The following ARHGAP21 variants were observed in gnomAD, a reference collection of about 807,000 sequenced individuals.
ARHGAP21 encodes rho GTPase-activating protein 21.
ARHGAP21 carries 38 observed loss-of-function variants against 164.6 expected under a neutral mutation model. The observed-to-expected ratio is 0.23, with a 90% CI of 0.18 to 0.30. The LOEUF (loss-of-function observed/expected upper bound fraction) is 0.30, where lower values mean the gene tolerates loss of function less well. ARHGAP21 is among the 10% of genes least tolerant of loss of function. ARHGAP21 has a pLI of 1.00. For synonymous variants in ARHGAP21, 766 were observed against 857.9 expected, an observed-to-expected ratio of 0.89 and a Z score of 1.87; for missense variants, 1,822 against 2,370.7, an observed-to-expected ratio of 0.77 and a Z score of 4.81.
chr10:24,608,094 T>C (rs2077107472), intron 9 of ARHGAP21, among the ~76,000 whole-genome samples, 191 bp from the exon 10 acceptor site: 1 of 151,932 alleles, frequency 6.6e-6, no homozygotes, highest in Non-Finnish European at 1.5e-5. Flanking sequence ...TCTAAATAAT[T>C]CTGAGAATAT....
intron 5 of ARHGAP21, 38 bp from the exon 6 acceptor site, chr10:24,633,518 C>T: frequency 7.0e-7 from 1 of 1,429,240 alleles, no homozygotes; most frequent in Non-Finnish European, 9.8e-7. Context: ...AGAGATCCTG[C>T]AGAAAGTCAC....
intron 2 of ARHGAP21, among the ~76,000 whole-genome samples, chr10:24,711,079 GC>G (rs1211459788): frequency 1.9e-5 from 2 of 106,702 alleles, no homozygotes; most frequent in Non-Finnish European, 3.4e-5. Context: ...GGGCAATGGA[GC>G]AAGACTCCAT....
Position 24,619,555 on chromosome 10 carries a change from C to A in ARHGAP21, c.2340G>T (p.Glu780Asp). ...TTTCCTCCATTCTTTTTATGTGGAC[C>A]TCTCGACGTGCATCATTGGGCAGCC... ...TCWLPNDARR[E>D]VHIKRMEERK... Residue 780 changes from glutamate to aspartate, a missense_variant, in exon 9 of 26, where the codon GAG (glutamate) becomes GAT (aspartate). Physicochemically the swap from Glu to Asp is conservative, Grantham distance 45. This residue lies in a region of ARHGAP21 where 1,090 missense variants were observed against 1,378.9 expected (regional missense o/e 0.79). Coordinates refer to ENST00000396432, the MANE Select transcript of ARHGAP21 (RefSeq NM_020824.4). 1 of 1,614,092 alleles carries A rather than the reference C, an allele frequency of 6.2e-7. No individual in the cohort carries two copies. Among genetic ancestry groups the A allele is most frequent in the Non-Finnish European group, 8.5e-7 (1 of 1,180,028 alleles).
intron 7 of ARHGAP21, among the ~76,000 whole-genome samples, chr10:24,624,262 C>T (rs890662645): frequency 6.6e-6 from 1 of 151,470 alleles, no homozygotes; most frequent in Non-Finnish European, 1.5e-5. Context: ...CAAACTTACT[C>T]GCCAGGGAAC....
At chr10:24,668,228 C>A (rs1047708959) in intron 3 of ARHGAP21, among the ~76,000 whole-genome samples, 1 of 152,198 alleles carries the variant, frequency 6.6e-6, no homozygotes, top group South Asian at 2.1e-4. Flanking sequence ...TAAGCATGTC[C>A]TGGAATAGCA....
At chr10:24,639,831 T>C (rs1836802776) in intron 4 of ARHGAP21, among the ~76,000 whole-genome samples, 1 of 152,074 alleles carries the variant, frequency 6.6e-6, no homozygotes, top group Non-Finnish European at 1.5e-5. Flanking sequence ...CCTCCTTCTT[T>C]GGAGAAAGCC....
At chr10:24,635,935 G>A (rs1410113333) in intron 4 of ARHGAP21, among the ~76,000 whole-genome samples, 2 of 152,160 alleles carry the variant, frequency 1.3e-5, no homozygotes, top group African/African-American at 2.4e-5. Flanking sequence ...TCTGGTAGGA[G>A]GAGAAAGACA....
chr10:24,643,011 C>T (rs1837230618), intron 4 of ARHGAP21, among the ~76,000 whole-genome samples: 1 of 152,198 alleles, frequency 6.6e-6, no homozygotes, highest in South Asian at 2.1e-4. Flanking sequence ...CTAATCTGTA[C>T]TATTTCCCTC....
chr10:24,633,345 T>C, intron 6 of ARHGAP21, 57 bp downstream of exon 6: 2 of 1,176,398 alleles, frequency 1.7e-6, no homozygotes, highest in South Asian at 2.6e-5. Flanking sequence ...ATTAAATCTA[T>C]GTGCTCTATT....
intron 2 of ARHGAP21, among the ~76,000 whole-genome samples, chr10:24,674,858 C>A (rs1841061407): frequency 6.6e-6 from 1 of 152,048 alleles, no homozygotes; most frequent in African/African-American, 2.4e-5. Flanking sequence ...TCTCAAAATT[C>A]AATAATGGAA....
chr10:24,659,901 C>T (rs1839498432), intron 4 of ARHGAP21, among the ~76,000 whole-genome samples: 3 of 152,220 alleles, frequency 2.0e-5, no homozygotes, highest in Admixed American at 6.5e-5. Context: ...AAACACTCTG[C>T]ACCTTAGTTT....
At chr10:24,599,025 G>C (rs1482085370) in intron 14 of ARHGAP21, among the ~76,000 whole-genome samples, 1 of 152,234 alleles carries the variant, frequency 6.6e-6, no homozygotes, top group Admixed American at 6.5e-5. Flanking sequence ...TATGTGCTCA[G>C]TGAATTATTG....
At chr10:24,702,124 G>GT (rs1464343192) in intron 2 of ARHGAP21, among the ~76,000 whole-genome samples, 13 of 90,914 alleles carry the variant, frequency 1.4e-4, no homozygotes, top group South Asian at 3.9e-4. Flanking sequence ...AATACTTCCG[G>GT]TTCTTTTTTT....
Position 24,602,014 on chromosome 10 carries a change from C to G in ARHGAP21, c.2811G>C (p.Trp937Cys). ...CGGTGACAAGGGGTCGGAAATGAAGCCACCCTTCCTTGGCAGCATCACTGA... is the reference window on the plus strand; with the variant it reads ...CGGTGACAAGGGGTCGGAAATGAAGGCACCCTTCCTTGGCAGCATCACTGA... ...EVFSDAAKEG[W>C]LHFRPLVTDK... The change falls in exon 13 of 26, where the codon TGG becomes TGC. Residue 937 changes from tryptophan to cysteine, a missense_variant. By Grantham distance (215) the Trp-to-Cys change is radical. Transcript: ENST00000396432. 1 of 1,611,890 alleles carries G rather than the reference C, an allele frequency of 6.2e-7. No homozygotes were observed. Among genetic ancestry groups the G allele is most frequent in the Non-Finnish European group, 8.5e-7 (1 of 1,179,820 alleles).
chr10:24,614,795 A>G (rs2077407725), intron 9 of ARHGAP21, among the ~76,000 whole-genome samples: 1 of 151,776 alleles, frequency 6.6e-6, no homozygotes, highest in East Asian at 1.9e-4. Flanking sequence ...AAAAAAAAAA[A>G]AAATGCGGCT....
intron 12 of ARHGAP21, among the ~76,000 whole-genome samples, chr10:24,602,530 G>T (rs1222275112): frequency 6.6e-6 from 1 of 152,152 alleles, no homozygotes; most frequent in Non-Finnish European, 1.5e-5. Flanking sequence ...AGGTCAGAGG[G>T]AAGAGAGTTT....
intron 2 of ARHGAP21, among the ~76,000 whole-genome samples, chr10:24,692,510 T>C (rs1008535266): frequency 6.6e-6 from 1 of 152,130 alleles, no homozygotes; most frequent in African/African-American, 2.4e-5. Flanking sequence ...CAGCCAAAAG[T>C]TGGAAACAAC....
At chr10:24,598,719 T>A (rs941666456) in intron 14 of ARHGAP21, among the ~76,000 whole-genome samples, 1 of 152,190 alleles carries the variant, frequency 6.6e-6, no homozygotes, top group African/African-American at 2.4e-5. Flanking sequence ...TAGTGAATGA[T>A]GATACAGTTT....
chr10:24,660,283 C>G (rs185887364), intron 4 of ARHGAP21, among the ~76,000 whole-genome samples: 20 of 144,688 alleles, frequency 1.4e-4, no homozygotes, highest in East Asian at 6.4e-4. Flanking sequence ...ACTTAGGAAG[C>G]TGAGGCAGGA....
Sources: allele counts gnomAD v4.1 joint callset (sites outside exome capture counted in the v4.1 genomes callset), GRCh38; gene constraint gnomAD v4.1.1; regional missense constraint gnomAD v4.1.1; transcripts MANE v1.5; gene names NCBI Gene and HGNC (gene_info 2026-07-23, HGNC 2026-07-21).